UNC5C: variants seen among roughly 807,000 people sequenced by gnomAD.
UNC5C encodes the protein netrin receptor UNC5C.
A neutral mutation model predicts 99.8 loss-of-function variants in UNC5C; 47 were observed. The observed-to-expected ratio is 0.47, with a 90% CI of 0.37 to 0.60. UNC5C has a LOEUF of 0.60. UNC5C is among the 20% of genes least tolerant of loss of function. The pLI is 0.00. For synonymous variants in UNC5C, 487 were observed against 452.2 expected, an observed-to-expected ratio of 1.08 and a Z score of -0.98; for missense variants, 1,062 against 1,165.9, an observed-to-expected ratio of 0.91 and a Z score of 1.30.
chr4:95,467,820 C>A (rs1216114497), intron 1 of UNC5C, among the ~76,000 whole-genome samples: 3 of 152,082 alleles, frequency 2.0e-5, no homozygotes, highest in Non-Finnish European at 4.4e-5. Context: ...TCAATTAACA[C>A]ATATATTGTA....
intron 11 of UNC5C, among the ~76,000 whole-genome samples, chr4:95,203,289 T>C (rs1432957517): frequency 6.6e-6 from 1 of 152,162 alleles, no homozygotes; most frequent in Non-Finnish European, 1.5e-5. Flanking sequence ...AATTCTACTA[T>C]GTTCTTTCAA....
intron 1 of UNC5C, among the ~76,000 whole-genome samples, chr4:95,346,775 A>T (rs2149426764): frequency 6.6e-6 from 1 of 152,176 alleles, no homozygotes; most frequent in Non-Finnish European, 1.5e-5. Context: ...TCACCACACT[A>T]AAAGTAATAT....
chr4:95,485,598 A>T (rs114336012), intron 1 of UNC5C, among the ~76,000 whole-genome samples: 1 of 151,922 alleles, frequency 6.6e-6, no homozygotes, highest in African/African-American at 2.4e-5. Context: ...TGTGCATTTA[A>T]CAATATAAGC....
chr4:95,487,159 G>A (rs891431102), intron 1 of UNC5C, among the ~76,000 whole-genome samples: 1 of 151,716 alleles, frequency 6.6e-6, no homozygotes, highest in Non-Finnish European at 1.5e-5. Flanking sequence ...TGTTATAGCA[G>A]CAGAGACTAA....
chr4:95,428,862 C>G (rs2149459445), intron 1 of UNC5C, among the ~76,000 whole-genome samples: 1 of 152,226 alleles, frequency 6.6e-6, no homozygotes, highest in South Asian at 2.1e-4. Context: ...AAAGCTGCTA[C>G]AGTTTTCTAT....
At chr4:95,311,662 CCAGT>C (rs1476368402) in intron 2 of UNC5C, among the ~76,000 whole-genome samples, 1 of 152,144 alleles carries the variant, frequency 6.6e-6, no homozygotes, top group Non-Finnish European at 1.5e-5. Context: ...TTAGTCTTGT[CCAGT>C]CATTCATTCA....
chr4:95,353,785 A>G (rs1045773638), intron 1 of UNC5C, among the ~76,000 whole-genome samples: 1 of 152,168 alleles, frequency 6.6e-6, no homozygotes, highest in Non-Finnish European at 1.5e-5. Context: ...ATAACCAACG[A>G]TAAGACCATA....
At chr4:95,499,843 G>C (rs1721733943) in intron 1 of UNC5C, among the ~76,000 whole-genome samples, 1 of 152,060 alleles carries the variant, frequency 6.6e-6, no homozygotes, top group Non-Finnish European at 1.5e-5. Context: ...GGAAAAGATA[G>C]ATATTAAAGA....
At chr4:95,443,421 C>A (rs1578166465) in intron 1 of UNC5C, among the ~76,000 whole-genome samples, 1 of 152,142 alleles carries the variant, frequency 6.6e-6, no homozygotes, top group African/African-American at 2.4e-5. Context: ...AATACTATTT[C>A]TTTAACATTT....
intron 1 of UNC5C, among the ~76,000 whole-genome samples, chr4:95,380,603 A>T (rs970998697): frequency 4.6e-5 from 7 of 152,050 alleles, no homozygotes; most frequent in African/African-American, 1.7e-4. Flanking sequence ...ATAACTTCTT[A>T]AGATCACCAT....
intron 1 of UNC5C, among the ~76,000 whole-genome samples, chr4:95,388,368 A>T (rs1013104880): frequency 3.9e-5 from 6 of 152,210 alleles, no homozygotes; most frequent in African/African-American, 1.4e-4. Flanking sequence ...TAATCAAACT[A>T]GCCATCTTGG....
chr4:95,188,471 TAG>T (rs1736923820), intron 12 of UNC5C, among the ~76,000 whole-genome samples: 1 of 152,158 alleles, frequency 6.6e-6, no homozygotes, highest in Non-Finnish European at 1.5e-5. Context: ...GAATCTCAAA[TAG>T]AGTTTTGTGT....
chr4:95,461,797 C>T (rs1008881700), intron 1 of UNC5C, among the ~76,000 whole-genome samples: 11 of 152,150 alleles, frequency 7.2e-5, no homozygotes, highest in Admixed American at 1.3e-4. Context: ...AGAGGTGATG[C>T]GTGGCGATGA....
intron 1 of UNC5C, among the ~76,000 whole-genome samples, chr4:95,405,342 C>A (rs1276579900): frequency 2.0e-5 from 3 of 152,140 alleles, no homozygotes; most frequent in Non-Finnish European, 4.4e-5. Context: ...GGTGGGAGCA[C>A]TGAACAGGTG....
intron 1 of UNC5C, among the ~76,000 whole-genome samples, chr4:95,424,383 CAT>C (rs1746403657): frequency 6.6e-6 from 1 of 151,814 alleles, no homozygotes; most frequent in African/African-American, 2.4e-5. Context: ...CGATTTCTCA[CAT>C]ATTTCGGGTA....
At chr4:95,248,230 C>G in intron 5 of UNC5C, 1 of 228,202 alleles carries the variant, frequency 4.4e-6, no homozygotes, top group Non-Finnish European at 8.8e-6. Context: ...TTTGGCTGGG[C>G]CTAAGAATTA....
At chr4:95,296,448 G>T (rs1741673671) in intron 3 of UNC5C, among the ~76,000 whole-genome samples, 1 of 152,180 alleles carries the variant, frequency 6.6e-6, no homozygotes, top group Admixed American at 6.5e-5. Context: ...ATACTGCAAA[G>T]AAAGGGGTCT....
At chr4:95,388,804 C>T (rs1483745) in intron 1 of UNC5C, among the ~76,000 whole-genome samples, 85,523 of 151,920 alleles carry the variant, frequency 0.56, 24,303 homozygotes, top group East Asian at 0.7. Flanking sequence ...CAGACAAATT[C>T]ATATCATTTC....
At chr4:95,483,404 T>C (rs1039334078) in intron 1 of UNC5C, among the ~76,000 whole-genome samples, 1 of 151,880 alleles carries the variant, frequency 6.6e-6, no homozygotes, top group Admixed American at 6.6e-5. Context: ...TGTGTACATA[T>C]ATAATAACGT....
Sources: allele counts gnomAD v4.1 joint callset (sites outside exome capture counted in the v4.1 genomes callset), GRCh38; gene constraint gnomAD v4.1.1; transcripts MANE v1.5; gene names NCBI Gene and HGNC (gene_info 2026-07-23, HGNC 2026-07-21).